The following ZMPSTE24 variants were observed in gnomAD, a reference collection of about 807,000 sequenced individuals.
The protein encoded by ZMPSTE24 is CAAX prenyl protease 1 homolog.
ZMPSTE24 carries 48 observed loss-of-function variants against 56.7 expected under a neutral mutation model. The ratio of observed to expected loss-of-function variants is 0.85; its 90% CI spans 0.67 to 1.08. The LOEUF is 1.08. Ranked by LOEUF, ZMPSTE24 falls within the 50% of genes least tolerant of loss-of-function variation. ZMPSTE24 has a pLI of 0.00. For synonymous variants in ZMPSTE24, 172 were observed against 195.2 expected, an observed-to-expected ratio of 0.88 and a Z score of 0.99; for missense variants, 503 against 548.7, an observed-to-expected ratio of 0.92 and a Z score of 0.83.
At chr1:40,261,054 A>T in intron 2 of ZMPSTE24, 69 bp downstream of exon 2, 1 of 1,574,438 alleles carries the variant, frequency 6.4e-7, no homozygotes, top group Non-Finnish European at 8.7e-7. Context: ...TGTAACACAA[A>T]AGAGGGTACC....
Position 40,284,102 on chromosome 1 carries a change from AT to A in ZMPSTE24, c.955-1801del, listed in dbSNP as rs10600489. 4.2e-3 allele frequency among the ~76,000 whole-genome samples: 493 copies of A among 116,944 alleles called. 9 individuals are homozygous for A. The highest frequency in any genetic ancestry group is 0.03 in the East Asian group (121 of 4,078). The allele number at this position is 116,944 out of a possible 152,430, so 76.7% of individuals were successfully genotyped here. Reference sequence around the variant, plus strand: ...AGGTGTGCACCAGCATGCCCAGCTAATTTTTTTTTTTTTTTTTTTTTTGGTA... The same window carrying A: ...AGGTGTGCACCAGCATGCCCAGCTAATTTTTTTTTTTTTTTTTTTTTGGTA... On this transcript the variant is annotated intron_variant, in intron 7 of 9. Transcript: ENST00000372759.
At chr1:40,275,424 ACT>A (rs1643658691) in intron 6 of ZMPSTE24, among the ~76,000 whole-genome samples, 1 of 149,526 alleles carries the variant, frequency 6.7e-6, no homozygotes, top group African/African-American at 2.5e-5. Context: ...ACAAAGCAAG[ACT>A]CTGTCTCAAA....
At chr1:40,264,939 A>G (rs925484046) in intron 2 of ZMPSTE24, among the ~76,000 whole-genome samples, 1 of 150,286 alleles carries the variant, frequency 6.7e-6, no homozygotes, top group Non-Finnish European at 1.5e-5. Context: ...CGCTGGAATT[A>G]TTTTTTCTGG....
chr1:40,262,884 T>C, intron 2 of ZMPSTE24: 1 of 1,159,280 alleles, frequency 8.6e-7, no homozygotes, highest in Non-Finnish European at 1.1e-6. Flanking sequence ...GAAGTAATAC[T>C]CAAGAGTTCT....
intron 5 of ZMPSTE24, 128 bp downstream of exon 5, chr1:40,270,255 C>G: frequency 8.9e-7 from 1 of 1,124,476 alleles, no homozygotes; most frequent in South Asian, 1.3e-5. Context: ...ATACATTTCC[C>G]CCTTGGTTTC....
intron 6 of ZMPSTE24, among the ~76,000 whole-genome samples, chr1:40,274,418 T>C (rs1643648444): frequency 6.6e-6 from 1 of 152,248 alleles, no homozygotes; most frequent in South Asian, 2.1e-4. Flanking sequence ...TAGCAAGTGC[T>C]ATGCAGCAAA....
rs281875372 is a variant in ZMPSTE24 at position 40,285,990 on chromosome 1, G to T, written c.1020G>T (p.Trp340Cys). 1 of 1,613,950 alleles carries T rather than the reference G, an allele frequency of 6.2e-7. No homozygotes were observed. The highest frequency in any genetic ancestry group is 1.1e-5 in the South Asian group (1 of 91,082). ...TACTAGGCCATGAACTGGGGCACTG[G>T]AAGTTGGGACATACAGTCAAAAATA... ...LAVLGHELGH[W>C]KLGHTVKNII... Residue 340 changes from tryptophan (W) to cysteine (C), a missense_variant, in exon 8 of 10, where the codon TGG becomes TGT. Trp to Cys is a radical substitution (Grantham distance 215, BLOSUM62 -2). Coordinates refer to ENST00000372759, the MANE Select transcript of ZMPSTE24 (RefSeq NM_005857.5).
intron 9 of ZMPSTE24, among the ~76,000 whole-genome samples, 189 bp downstream of exon 9, chr1:40,291,186 C>T (rs762705432): frequency 8.5e-5 from 13 of 152,154 alleles, no homozygotes; most frequent in Non-Finnish European, 1.6e-4. Flanking sequence ...AATAAATAAA[C>T]GTTTGCATAC....
chr1:40,281,841 A>T (rs1253407230), intron 7 of ZMPSTE24, among the ~76,000 whole-genome samples: 1 of 152,092 alleles, frequency 6.6e-6, no homozygotes, highest in East Asian at 1.9e-4. Flanking sequence ...ATATATATAT[A>T]ATTTCTTATG....
At chr1:40,275,089 C>G (rs1475202640) in intron 6 of ZMPSTE24, among the ~76,000 whole-genome samples, 8 of 151,770 alleles carry the variant, frequency 5.3e-5, no homozygotes, top group Non-Finnish European at 1.2e-4. Flanking sequence ...CAATAGAAAC[C>G]AACTGTGGCT....
chr1:40,264,985 A>G (rs1420002491), intron 2 of ZMPSTE24, among the ~76,000 whole-genome samples: 1 of 151,996 alleles, frequency 6.6e-6, no homozygotes, highest in Non-Finnish European at 1.5e-5. Flanking sequence ...CCCTGGGAGC[A>G]TGCTTAGTGA....
intron 7 of ZMPSTE24, among the ~76,000 whole-genome samples, chr1:40,283,039 C>T (rs1488916003): frequency 1.3e-5 from 2 of 152,258 alleles, no homozygotes; most frequent in Admixed American, 6.5e-5. Context: ...TCTGTTTTGA[C>T]ACTAAAAACA....
At chr1:40,259,796 GA>G (rs1328585730) in intron 1 of ZMPSTE24, among the ~76,000 whole-genome samples, 5 of 151,862 alleles carry the variant, frequency 3.3e-5, no homozygotes, top group African/African-American at 1.2e-4. Flanking sequence ...TTTTTTTGTA[GA>G]GATGTTGCCC....
chr1:40,273,137 A>G (rs1643628531), intron 6 of ZMPSTE24, among the ~76,000 whole-genome samples: 1 of 152,206 alleles, frequency 6.6e-6, no homozygotes, highest in Non-Finnish European at 1.5e-5. Flanking sequence ...GAAGGAATAG[A>G]AGCAGAAACA....
chr1:40,272,237 C>A (rs985374460), intron 6 of ZMPSTE24, among the ~76,000 whole-genome samples: 27 of 152,064 alleles, frequency 1.8e-4, no homozygotes, highest in African/African-American at 6.5e-4. Flanking sequence ...AAACTGGTGG[C>A]TTGATACCAA....
chr1:40,266,246 A>G (rs1039858876), intron 2 of ZMPSTE24, among the ~76,000 whole-genome samples: 2 of 152,192 alleles, frequency 1.3e-5, no homozygotes, highest in Non-Finnish European at 2.9e-5. Context: ...CCCTCAAACC[A>G]TGAGGAACTA....
At chr1:40,290,548 C>A (rs1473329601) in intron 8 of ZMPSTE24, 1 of 279,644 alleles carries the variant, frequency 3.6e-6, no homozygotes, top group African/African-American at 2.5e-5. Context: ...GCAAGCTCCG[C>A]CTCCCGGGTT....
In ZMPSTE24 at chr1:40,262,206, T is replaced by C. The variant is rs72943184; in HGVS notation, c.270+1221T>C. Among the ~76,000 whole-genome samples the C allele has an allele frequency of 2.2e-3, 330 of 152,362 alleles. 2 individuals carry two copies. Among genetic ancestry groups the C allele is most frequent in the African/African-American group, 7.6e-3 (315 of 41,596 alleles). On this transcript the variant is annotated intron_variant, in intron 2 of 9. Transcript: ENST00000372759. The stretch of plus-strand genomic sequence containing the variant: ...TGTCTAGCTCATCACAAAATTTTTC[T>C]TAACAAGTATGGAATAATAAGACTA...
intron 6 of ZMPSTE24, among the ~76,000 whole-genome samples, chr1:40,280,452 T>TCTC (rs1219930382): frequency 2.6e-5 from 4 of 151,344 alleles, no homozygotes; most frequent in African/African-American, 9.7e-5. Flanking sequence ...TGAGACAGAG[T>TCTC]CTCCGTCTGT....
Sources: gnomAD v4.1 joint callset for allele counts (sites outside exome capture counted in the v4.1 genomes callset) on GRCh38, gnomAD v4.1.1 for gene constraint, MANE v1.5 for transcripts, NCBI Gene and HGNC (gene_info 2026-07-23, HGNC 2026-07-21) for gene names.